The following TM9SF2 variants were observed in gnomAD, a reference collection of about 807,000 sequenced individuals.
The protein encoded by TM9SF2 is 76 kDa membrane protein.
A neutral mutation model predicts 84.9 loss-of-function variants in TM9SF2; 13 were observed. The observed-to-expected ratio is 0.15, with a 90% CI of 0.10 to 0.24. TM9SF2 has a LOEUF of 0.24. Among genes scored for constraint, TM9SF2 ranks in the 10% least tolerant of loss-of-function variants. The pLI is 1.00. For missense variants in TM9SF2, 562 were observed against 818.5 expected (o/e 0.69, Z 3.82); for synonymous variants, 273 against 285.8 (o/e 0.96, Z 0.45).
chr13:99,526,557 T>G (rs577328879), intron 3 of TM9SF2, among the ~76,000 whole-genome samples: 1 of 152,186 alleles, frequency 6.6e-6, no homozygotes, highest in Non-Finnish European at 1.5e-5. Context: ...GCCAGTGAGT[T>G]GGAACAACGG....
intron 4 of TM9SF2, among the ~76,000 whole-genome samples, chr13:99,536,125 G>A (rs1177238152): frequency 6.6e-6 from 1 of 152,012 alleles, no homozygotes; most frequent in Non-Finnish European, 1.5e-5. Flanking sequence ...CTGTTCCTGA[G>A]GAACTAGATA....
chr13:99,552,171 G>A lies in TM9SF2; in HGVS notation c.1333G>A (p.Val445Ile), dbSNP rs1317295195. ...AAAGCCTGTTGTGTCTTTCAGGATT[G>A]TATTTGCTGACTTCTTTATAATGAA... is the stretch of plus-strand genomic sequence containing the variant. ...LLTSFLCPGIVFADFFIMNLI... is the reference protein window; with the variant it reads ...LLTSFLCPGIIFADFFIMNLI... The change falls in exon 13 of 17, where the codon GTA becomes ATA. Residue 445 changes from valine (V) to isoleucine (I), a missense_variant. Around this residue, in one of 4 missense-constraint regions of TM9SF2, gnomAD observed 219 missense variants for 338.1 expected, o/e 0.65. Coordinates refer to ENST00000376387, the MANE Select transcript of TM9SF2 (RefSeq NM_004800.3). 6.2e-7 allele frequency: 1 copy of A among 1,613,298 alleles called. No homozygotes were observed. The highest frequency in any genetic ancestry group is 1.3e-5 in the African/African-American group (1 of 74,902).
chr13:99,541,884 TCA>T (rs2046261222), intron 9 of TM9SF2: 1 of 358,484 alleles, frequency 2.8e-6, no homozygotes, highest in Non-Finnish European at 5.2e-6. Context: ...GCGCGGTGGC[TCA>T]CACCTGTAAT....
chr13:99,553,707 C>T (rs1428331363), intron 13 of TM9SF2, among the ~76,000 whole-genome samples: 1 of 152,110 alleles, frequency 6.6e-6, no homozygotes, highest in Non-Finnish European at 1.5e-5. Flanking sequence ...CTGTCTTCCC[C>T]CCTCATGTGG....
chr13:99,542,436 C>T (rs1418396464), intron 9 of TM9SF2, among the ~76,000 whole-genome samples: 8 of 152,286 alleles, frequency 5.3e-5, no homozygotes, highest in Middle Eastern at 3.4e-3. Context: ...ATGTTCCAGC[C>T]TCTTTAGTCT....
chr13:99,561,130 A>ACAG (rs1476002635), intron 16 of TM9SF2, among the ~76,000 whole-genome samples: 1 of 152,246 alleles, frequency 6.6e-6, no homozygotes, highest in Non-Finnish European at 1.5e-5. Flanking sequence ...CCTTTAGTGA[A>ACAG]CAGGTGGAAG....
intron 4 of TM9SF2, among the ~76,000 whole-genome samples, chr13:99,534,339 C>G (rs888069746): frequency 6.6e-6 from 1 of 152,126 alleles, no homozygotes; most frequent in Non-Finnish European, 1.5e-5. Flanking sequence ...GTGCTGTTTT[C>G]AAAAATTCAA....
chr13:99,546,567 G>GTTT (rs1230728728), intron 10 of TM9SF2, among the ~76,000 whole-genome samples: 60 of 142,238 alleles, frequency 4.2e-4, no homozygotes, highest in African/African-American at 1.4e-3. Flanking sequence ...AAGGTTTTGG[G>GTTT]TTTTTTTTTT....
intron 12 of TM9SF2, 34 bp downstream of exon 12, chr13:99,549,256 A>G (rs2046295923): frequency 2.5e-6 from 4 of 1,590,862 alleles, no homozygotes; most frequent in South Asian, 1.1e-5. Context: ...CTTTCTTAAC[A>G]TAGTTACATG....
chr13:99,519,952 C>T lies in TM9SF2; in HGVS notation c.240-84C>T, dbSNP rs966875592. On this transcript the variant is annotated intron_variant, in intron 2 of 16. Transcript: ENST00000376387. Reference sequence around the variant, plus strand: ...ACTAGAGCTGCTACAATGATCAGTACCTAATCTGCTCTCAAGATTGGCTAG... The same window carrying T: ...ACTAGAGCTGCTACAATGATCAGTATCTAATCTGCTCTCAAGATTGGCTAG... The T allele has an allele frequency of 5.0e-6, 6 of 1,204,428 alleles. No individual in the cohort carries two copies. In the African/African-American group the frequency reaches 7.6e-5, roughly 15 times the overall value. 74.6% of individuals were successfully genotyped at this position (1,204,428 alleles called of 1,614,324 possible).
chr13:99,548,940 G>A (rs751216571), intron 11 of TM9SF2, among the ~76,000 whole-genome samples: 1 of 152,140 alleles, frequency 6.6e-6, no homozygotes, highest in Non-Finnish European at 1.5e-5. Context: ...TTGATGACTT[G>A]CCTCTGATTC....
intron 1 of TM9SF2, among the ~76,000 whole-genome samples, chr13:99,513,849 A>G (rs746258159): frequency 6.6e-6 from 1 of 152,220 alleles, no homozygotes; most frequent in Non-Finnish European, 1.5e-5. Flanking sequence ...TCACTTGTGG[A>G]TGTAGTGTCT....
intron 9 of TM9SF2, 82 bp from the exon 10 acceptor site, chr13:99,543,781 G>A: frequency 6.7e-7 from 1 of 1,495,434 alleles, no homozygotes; most frequent in Non-Finnish European, 9.0e-7. Context: ...TTCTGTAACA[G>A]CATATTCAAC....
chr13:99,541,696 T>G, intron 9 of TM9SF2, 29 bp downstream of exon 9: 1 of 1,434,008 alleles, frequency 7.0e-7, no homozygotes, highest in Non-Finnish European at 9.7e-7. Flanking sequence ...GTCTTTAGTC[T>G]GCCAAGGACA....
intron 3 of TM9SF2, among the ~76,000 whole-genome samples, chr13:99,526,732 T>G (rs1294732721): frequency 6.6e-6 from 1 of 152,104 alleles, no homozygotes; most frequent in African/African-American, 2.4e-5. Context: ...GTCATTGTTT[T>G]GGAAGGATCG....
intron 12 of TM9SF2, among the ~76,000 whole-genome samples, chr13:99,550,071 T>G (rs1258756980): frequency 1.3e-5 from 2 of 152,240 alleles, no homozygotes; most frequent in African/African-American, 4.8e-5. Context: ...TTACCAAGAC[T>G]GTGATTTCCT....
At chr13:99,540,197 A>G (rs2046252080) in intron 7 of TM9SF2, among the ~76,000 whole-genome samples, 1 of 152,026 alleles carries the variant, frequency 6.6e-6, no homozygotes, top group Admixed American at 6.5e-5. Flanking sequence ...TTCCAACTCT[A>G]TTTTTTAAAA....
At chr13:99,502,836 T>C (rs1463136752) in intron 1 of TM9SF2, among the ~76,000 whole-genome samples, 1 of 152,234 alleles carries the variant, frequency 6.6e-6, no homozygotes, top group Non-Finnish European at 1.5e-5. Flanking sequence ...AAGCTGGTGT[T>C]TATTACAGTT....
chr13:99,553,791 A>G (rs959306753), intron 13 of TM9SF2, among the ~76,000 whole-genome samples: 1 of 152,192 alleles, frequency 6.6e-6, no homozygotes, highest in African/African-American at 2.4e-5. Flanking sequence ...AATAGTCGAG[A>G]ACATCACCAA....
Sources: allele counts gnomAD v4.1 joint callset (sites outside exome capture counted in the v4.1 genomes callset), GRCh38; gene constraint gnomAD v4.1.1; regional missense constraint gnomAD v4.1.1; transcripts MANE v1.5; gene names NCBI Gene and HGNC (gene_info 2026-07-23, HGNC 2026-07-21).